Variants in SNRPN observed in about 807,000 individuals in gnomAD.
The protein encoded by SNRPN is small nuclear ribonucleoprotein polypeptide N, also known as small nuclear ribonucleoprotein-associated protein N.
A neutral mutation model predicts 25.2 loss-of-function variants in SNRPN; 7 were observed. That is an observed-to-expected ratio of 0.28 (90% confidence interval 0.16 to 0.52). SNRPN has a LOEUF of 0.52. Ranked by LOEUF, SNRPN falls within the 20% of genes least tolerant of loss-of-function variation. The probability of loss-of-function intolerance (pLI) is 0.96; values close to 1 mark genes in which losing one functional copy is unlikely to be tolerated. For synonymous variants in SNRPN, 124 were observed against 110.6 expected, an observed-to-expected ratio of 1.12 and a Z score of -0.76; for missense variants, 196 against 322.5, an observed-to-expected ratio of 0.61 and a Z score of 3.00.
At chr15:24,890,724 C>A (rs886408662) in intron 2 of SNRPN, among the ~76,000 whole-genome samples, 1 of 151,900 alleles carries the variant, frequency 6.6e-6, no homozygotes, top group African/African-American at 2.4e-5. Context: ...CCCACCTATC[C>A]CTTGGCCTTT....
chr15:24,833,643 G>A (rs1279284364), intron 2 of SNRPN, among the ~76,000 whole-genome samples: 2 of 152,050 alleles, frequency 1.3e-5, no homozygotes, highest in Non-Finnish European at 1.5e-5. Context: ...GGAAGAAGGC[G>A]ATGTGTAACA....
At chr15:24,942,354 T>C (rs2061605834) in intron 3 of SNRPN, 1 of 152,186 alleles carries the variant, frequency 6.6e-6, no homozygotes, top group Non-Finnish European at 1.5e-5. Context: ...TGAAAAGCCT[T>C]ACCCCAGTCC....
upstream of SNRPN, among the ~76,000 whole-genome samples, chr15:24,951,582 A>T (rs1174206211): frequency 6.7e-6 from 1 of 150,160 alleles, no homozygotes; most frequent in African/African-American, 2.5e-5. Context: ...ATCTGGGCTT[A>T]CTGCAATCTC....
At chr15:24,830,644 TTCAAATTATTTTAAA>T (rs1443893896) in intron 2 of SNRPN, among the ~76,000 whole-genome samples, 1 of 152,126 alleles carries the variant, frequency 6.6e-6, no homozygotes, top group Non-Finnish European at 1.5e-5. Flanking sequence ...TTCAATTTAG[TTCAAATTATTTTAAA>T]AAATTTCTCT....
intron 2 of SNRPN, among the ~76,000 whole-genome samples, chr15:24,962,679 A>G (rs1256996437): frequency 1.3e-5 from 2 of 152,166 alleles, no homozygotes; most frequent in African/African-American, 4.8e-5. Flanking sequence ...TGTGGAATGT[A>G]TATATAGGAT....
At chr15:24,946,419 AAAG>A (rs2061890579) in intron 3 of SNRPN, among the ~76,000 whole-genome samples, 1 of 152,162 alleles carries the variant, frequency 6.6e-6, no homozygotes, top group South Asian at 2.1e-4. Context: ...AAAAAAATAA[AAAG>A]AAAAGATGGA....
intron 2 of SNRPN, among the ~76,000 whole-genome samples, chr15:24,888,385 C>T (rs1218792562): frequency 4.6e-5 from 7 of 152,064 alleles, no homozygotes; most frequent in Non-Finnish European, 8.8e-5. Flanking sequence ...AGATTACAGG[C>T]GTGACCCACC....
intron 3 of SNRPN, among the ~76,000 whole-genome samples, chr15:24,923,725 C>G (rs1222851617): frequency 6.6e-6 from 1 of 151,856 alleles, no homozygotes; most frequent in South Asian, 2.1e-4. Context: ...CTTGTCTGAG[C>G]CCATCTCTGT....
chr15:24,873,614 A>T (rs1000513620), intron 1 of SNRPN, among the ~76,000 whole-genome samples: 1 of 151,676 alleles, frequency 6.6e-6, no homozygotes, highest in East Asian at 2.0e-4. Context: ...CGCCTGCCTA[A>T]TTTTTTGTAT....
chr15:24,864,730 G>C (rs2054403220), intron 1 of SNRPN, among the ~76,000 whole-genome samples: 2 of 151,842 alleles, frequency 1.3e-5, no homozygotes, highest in Admixed American at 6.6e-5. Flanking sequence ...ATTTTGATAA[G>C]ATGCATTTTA....
chr15:24,846,747 A>AT (rs2052235427), intron 2 of SNRPN, among the ~76,000 whole-genome samples: 1 of 152,208 alleles, frequency 6.6e-6, no homozygotes, highest in Non-Finnish European at 1.5e-5. Context: ...GAAGTTAGAA[A>AT]TCTATGTCAG....
chr15:24,885,037 G>C (rs2057072856), intron 1 of SNRPN, among the ~76,000 whole-genome samples: 1 of 152,152 alleles, frequency 6.6e-6, no homozygotes, highest in Non-Finnish European at 1.5e-5. Flanking sequence ...CTGTGTCTAC[G>C]TGCAGATGGG....
chr15:24,862,546 C>CA (rs1216001550), intron 1 of SNRPN, among the ~76,000 whole-genome samples: 3 of 150,968 alleles, frequency 2.0e-5, no homozygotes, highest in East Asian at 1.9e-4. Context: ...TGAAACACAA[C>CA]AAAAAAACAA....
chr15:24,888,678 A>G (rs1445360131), intron 2 of SNRPN, among the ~76,000 whole-genome samples: 2 of 152,164 alleles, frequency 1.3e-5, no homozygotes, highest in Admixed American at 6.5e-5. Flanking sequence ...ATAAATACAG[A>G]AGAGCAGTTT....
At chr15:24,893,123 G>T (rs548703591) in intron 2 of SNRPN, among the ~76,000 whole-genome samples, 1 of 152,088 alleles carries the variant, frequency 6.6e-6, no homozygotes, top group South Asian at 2.1e-4. Context: ...CAGGAGAATT[G>T]CTTGAATCTG....
At chr15:24,886,588 A>T (rs1197358283) in exon 2 of SNRPN, 1 of 152,190 alleles carries the variant, frequency 6.6e-6, no homozygotes, top group Non-Finnish European at 1.5e-5. Flanking sequence ...GCACTTCTCC[A>T]GGTAAGGATT....
chr15:24,936,302 AG>A (rs2152961588), intron 3 of SNRPN, among the ~76,000 whole-genome samples: 1 of 152,252 alleles, frequency 6.6e-6, no homozygotes, highest in South Asian at 2.1e-4. Flanking sequence ...CAGAATTAGG[AG>A]GCCAAGTTAG....
At position 24,962,126 on chromosome 15, in the gene SNRPN, C is replaced by G; in HGVS notation, c.-378C>G. 2 of 1,614,106 alleles carry G rather than the reference C, an allele frequency of 1.2e-6. No homozygotes were observed. Among genetic ancestry groups the G allele is most frequent in the Non-Finnish European group, 8.5e-7 (1 of 1,180,008 alleles). ...TTTTCTGTTTCAGGGATCGCTTACA[C>G]CTGAGACGAACTACAGAACAGCACG... is the stretch of plus-strand genomic sequence containing the variant. On this transcript the variant is annotated 5_prime_UTR_variant, in exon 2 of 10. Coordinates refer to ENST00000390687, the MANE Select transcript of SNRPN (RefSeq NM_003097.6).
chr15:24,891,689 C>T (rs796464561), intron 2 of SNRPN, among the ~76,000 whole-genome samples: 56 of 152,230 alleles, frequency 3.7e-4, no homozygotes, highest in African/African-American at 9.9e-4. Context: ...CCACCCTCCT[C>T]GGCCTCCCAA....
Sources: gnomAD v4.1 joint callset for allele counts (sites outside exome capture counted in the v4.1 genomes callset) on GRCh38, gnomAD v4.1.1 for gene constraint, MANE v1.5 for transcripts, NCBI Gene and HGNC (gene_info 2026-07-23, HGNC 2026-07-21) for gene names.